The following ENPP6 variants were observed in gnomAD, a reference collection of about 807,000 sequenced individuals.
ENPP6 encodes ectonucleotide pyrophosphatase/phosphodiesterase 6.
In ENPP6, 32 loss-of-function variants were observed where a neutral mutation model predicts 42.0. The observed-to-expected ratio is 0.76, with a 90% CI of 0.58 to 1.02. The LOEUF is 1.02. Among genes scored for constraint, ENPP6 ranks in the 50% least tolerant of loss-of-function variants. The probability of loss-of-function intolerance (pLI) is 0.00; values close to 1 mark genes in which losing one functional copy is unlikely to be tolerated. For synonymous variants in ENPP6, 213 were observed against 216.0 expected, an observed-to-expected ratio of 0.99 and a Z score of 0.12; for missense variants, 552 against 566.8, an observed-to-expected ratio of 0.97 and a Z score of 0.27.
At chr4:184,108,033 G>A (rs754735532) in intron 6 of ENPP6, among the ~76,000 whole-genome samples, 1 of 152,182 alleles carries the variant, frequency 6.6e-6, no homozygotes, top group Non-Finnish European at 1.5e-5. Context: ...AGCCGCCTTA[G>A]AGTCTGCAAG....
Position 184,153,672 on chromosome 4 carries a change from CTTG to C in ENPP6, c.300_302del (p.Asn100del), listed in dbSNP as rs1469644605. The C allele has an allele frequency of 3.1e-6, 5 of 1,614,020 alleles. No individual in the cohort carries two copies. Among genetic ancestry groups the C allele is most frequent in the Admixed American group, 3.3e-5 (2 of 59,996 alleles). On this transcript the variant is annotated inframe_deletion, in exon 2 of 8. Coordinates refer to ENST00000296741, the MANE Select transcript of ENPP6 (RefSeq NM_153343.4). ...CTTTGTTGACGCCAATGTCAAAGGA[CTTG>C]TTGGTGGTGGGGTCCCACATGTAGT...
rs565924948 is a variant in ENPP6 at position 184,117,992 on chromosome 4, G to C, written c.534-92C>G. 70 of 1,465,118 alleles carry C rather than the reference G, an allele frequency of 4.8e-5. No individual in the cohort carries two copies. The African/African-American group carries it at 9.2e-4, about 19-fold the overall frequency. 90.8% of individuals were successfully genotyped at this position (1,465,118 alleles called of 1,614,324 possible). On this transcript the variant is annotated intron_variant, in intron 3 of 7. Transcript: ENST00000296741. ...CATAGCACTCTCTGAAGGTGTTCACGCCCCCCGAAACCTTGTCCCTGGGCC... is the reference window on the plus strand; with the variant it reads ...CATAGCACTCTCTGAAGGTGTTCACCCCCCCCGAAACCTTGTCCCTGGGCC...
intron 3 of ENPP6, 33 bp downstream of exon 3, chr4:184,124,128 G>A (rs1004926339): frequency 3.2e-6 from 5 of 1,538,868 alleles, no homozygotes; most frequent in Non-Finnish European, 3.6e-6. Flanking sequence ...AAACAAGGAA[G>A]AAAATGGTGT....
rs192761371 is a variant in ENPP6, at chr4:184,185,207, G to A, written c.242-31474C>T. 2.6e-5 allele frequency among the ~76,000 whole-genome samples: 4 copies of A among 152,314 alleles called. No individual in the cohort carries two copies. The East Asian group carries it at 7.7e-4, about 29-fold the overall frequency. On this transcript the variant is annotated intron_variant, in intron 1 of 7. Coordinates refer to ENST00000296741, the MANE Select transcript of ENPP6 (RefSeq NM_153343.4). ...GGAGTAGAACTACAGGGTCATGGGT[G>A]GAGTTTGCCCAGGACAGTCCTGGTT...
chr4:184,199,236 G>T (rs907708399), intron 1 of ENPP6, among the ~76,000 whole-genome samples: 2 of 152,176 alleles, frequency 1.3e-5, no homozygotes, highest in Non-Finnish European at 2.9e-5. Context: ...CAGCCTCAAA[G>T]TTACCCATCT....
chr4:184,116,780 C>A, intron 5 of ENPP6, 76 bp downstream of exon 5: 1 of 1,537,152 alleles, frequency 6.5e-7, no homozygotes, highest in South Asian at 1.2e-5. Context: ...AAAAAAACTA[C>A]AAGGAAAAGA....
At position 184,090,080 on chromosome 4, in the gene ENPP6, A is replaced by C. The variant is rs1188236363; in HGVS notation, c.*1097T>G. 3 of 152,170 alleles carry C rather than the reference A, an allele frequency of 2.0e-5. No homozygotes were observed. Among genetic ancestry groups the C allele is most frequent in the Admixed American group, 1.3e-4 (2 of 15,272 alleles). The allele number at this position is 152,170 out of a possible 1,614,324, so 9.4% of individuals were successfully genotyped here. A position where few individuals can be genotyped will look rare whatever the true frequency, so the allele number is the denominator to read the frequency against. On this transcript the variant is annotated 3_prime_UTR_variant, in exon 8 of 8. Transcript: ENST00000296741. The stretch of plus-strand genomic sequence containing the variant: ...ATCATGCTCTCTCCATTCTCCACCC[A>C]GCACCATTTTCTTTGGAATTCTATG...
intron 6 of ENPP6, among the ~76,000 whole-genome samples, chr4:184,101,985 C>T (rs529185160): frequency 6.6e-6 from 1 of 152,364 alleles, no homozygotes; most frequent in Non-Finnish European, 1.5e-5. Context: ...TGGGCGCCTG[C>T]ACTCCATCGC....
intron 2 of ENPP6, among the ~76,000 whole-genome samples, chr4:184,145,094 G>C (rs112775624): frequency 0.011 from 1,684 of 152,314 alleles, 32 homozygotes; most frequent in South Asian, 0.05. Context: ...GGGCCTTCCC[G>C]CATTCATGCG....
At chr4:184,185,720 C>T (rs969556258) in intron 1 of ENPP6, among the ~76,000 whole-genome samples, 7 of 152,296 alleles carry the variant, frequency 4.6e-5, no homozygotes, top group Admixed American at 4.6e-4. Flanking sequence ...TTTAGGATTG[C>T]CAACATCATG....
intron 1 of ENPP6, among the ~76,000 whole-genome samples, chr4:184,210,847 C>T (rs1460774330): frequency 6.6e-6 from 1 of 152,172 alleles, no homozygotes; most frequent in Non-Finnish European, 1.5e-5. Context: ...GAAAAGCTGT[C>T]CTCAGCAAAT....
chr4:184,093,729 T>A (rs1735848841), intron 7 of ENPP6, among the ~76,000 whole-genome samples: 1 of 151,596 alleles, frequency 6.6e-6, no homozygotes, highest in Non-Finnish European at 1.5e-5. Context: ...TGCCCCAGTA[T>A]CCCAGCCCCT....
At chr4:184,149,841 T>C in intron 2 of ENPP6, among the ~76,000 whole-genome samples, 1 of 152,182 alleles carries the variant, frequency 6.6e-6, no homozygotes, top group Non-Finnish European at 1.5e-5. Context: ...TCAAGCTGCA[T>C]TTCTACACCA....
At chr4:184,165,532 A>T (rs1737333931) in intron 1 of ENPP6, among the ~76,000 whole-genome samples, 1 of 152,242 alleles carries the variant, frequency 6.6e-6, no homozygotes, top group South Asian at 2.1e-4. Flanking sequence ...TGATTCTGAG[A>T]CTCTCAGCAA....
chr4:184,101,597 C>G (rs941702261), intron 6 of ENPP6, among the ~76,000 whole-genome samples: 2 of 152,090 alleles, frequency 1.3e-5, no homozygotes, highest in Non-Finnish European at 2.9e-5. Context: ...TTTTGCCAAC[C>G]AAACAGGGTG....
rs1460891620 is a variant in ENPP6, at chr4:184,090,845, T to A, written c.*332A>T. On this transcript the variant is annotated 3_prime_UTR_variant, in exon 8 of 8. Coordinates refer to ENST00000296741, the MANE Select transcript of ENPP6 (RefSeq NM_153343.4). ...AGAGAGGGGCCCAGAGCCACGTCTGTCTGCAATAACCACTCCAAGTTTGGT... is the reference window on the plus strand; with the variant it reads ...AGAGAGGGGCCCAGAGCCACGTCTGACTGCAATAACCACTCCAAGTTTGGT... 1 of 423,810 alleles carries A rather than the reference T, an allele frequency of 2.4e-6. No homozygotes were observed. Among genetic ancestry groups the A allele is most frequent in the African/African-American group, 2.0e-5 (1 of 48,816 alleles). The allele number at this position is 423,810 out of a possible 1,614,324, so 26.3% of individuals were successfully genotyped here.
rs534263695 is a variant in ENPP6 at position 184,143,305 on chromosome 4, A to C, written c.421+10249T>G. On this transcript the variant is annotated intron_variant, in intron 2 of 7. Coordinates refer to ENST00000296741, the MANE Select transcript of ENPP6 (RefSeq NM_153343.4). ...AGTCTTACAAATGGCCTTATCCCTC[A>C]TGTCTACTGGAGTCTCATGGTCTCC... Among the ~76,000 whole-genome samples, 46 of 152,192 alleles carry C rather than the reference A, an allele frequency of 3.0e-4. No homozygotes were observed. In the South Asian group the frequency reaches 9.4e-3, roughly 31 times the overall value.
intron 1 of ENPP6, among the ~76,000 whole-genome samples, chr4:184,188,786 CTGAT>C (rs958243116): frequency 6.6e-6 from 1 of 152,144 alleles, no homozygotes; most frequent in Non-Finnish European, 1.5e-5. Context: ...ACATGAGAGA[CTGAT>C]TGTTAATCCC....
At chr4:184,153,017 G>A (rs1175759765) in intron 2 of ENPP6, among the ~76,000 whole-genome samples, 2 of 151,132 alleles carry the variant, frequency 1.3e-5, no homozygotes, top group African/African-American at 4.9e-5. Flanking sequence ...AAGCTATCCT[G>A]TGGTGTTTGC....
Sources: gnomAD v4.1 joint callset for allele counts (sites outside exome capture counted in the v4.1 genomes callset) on GRCh38, gnomAD v4.1.1 for gene constraint, MANE v1.5 for transcripts, NCBI Gene and HGNC (gene_info 2026-07-23, HGNC 2026-07-21) for gene names.